Variants in ADAM23 observed in about 807,000 individuals in gnomAD.
ADAM23 encodes ADAM metallopeptidase domain 23, also known as disintegrin and metalloproteinase domain-containing protein 23.
A neutral mutation model predicts 120.1 loss-of-function variants in ADAM23; 33 were observed. That is an observed-to-expected ratio of 0.27 (90% CI 0.21 to 0.37). The LOEUF is 0.37. Ranked by LOEUF, ADAM23 falls within the 10% of genes least tolerant of loss-of-function variation. The pLI, the probability that ADAM23 is intolerant of heterozygous loss-of-function variation, is 1.00. For missense variants in ADAM23, 862 were observed against 1,058.2 expected (o/e 0.81, Z 2.57); for synonymous variants, 367 against 375.2 (o/e 0.98, Z 0.25).
intron 2 of ADAM23, among the ~76,000 whole-genome samples, chr2:206,456,574 T>C (rs911941066): frequency 6.6e-6 from 1 of 152,166 alleles, no homozygotes; most frequent in South Asian, 2.1e-4. Context: ...GAGCCAATCA[T>C]GTAAACCTTG....
At chr2:206,550,043 G>C in intron 8 of ADAM23, 52 bp from the exon 9 acceptor site, 1 of 1,184,870 alleles carries the variant, frequency 8.4e-7, no homozygotes, top group Non-Finnish European at 1.2e-6. Flanking sequence ...GTGAGCACTA[G>C]AGAGATTTTA....
At chr2:206,451,797 G>A (rs1695201031) in intron 2 of ADAM23, among the ~76,000 whole-genome samples, 1 of 152,164 alleles carries the variant, frequency 6.6e-6, no homozygotes, top group South Asian at 2.1e-4. Context: ...GAAGACACAA[G>A]GGGGTCTGGA....
At chr2:206,458,727 A>G (rs143055389) in intron 2 of ADAM23, among the ~76,000 whole-genome samples, 1 of 152,272 alleles carries the variant, frequency 6.6e-6, no homozygotes, top group Non-Finnish European at 1.5e-5. Flanking sequence ...ACACGTTCAG[A>G]TGATAATTTC....
chr2:206,468,450 A>G (rs1470320759), intron 2 of ADAM23, among the ~76,000 whole-genome samples: 1 of 152,198 alleles, frequency 6.6e-6, no homozygotes, highest in African/African-American at 2.4e-5. Context: ...TCCCCAAGGC[A>G]GGGGCACAGT....
At chr2:206,615,872 G>A (rs935360776) in intron 25 of ADAM23, among the ~76,000 whole-genome samples, 40 of 152,336 alleles carry the variant, frequency 2.6e-4, no homozygotes, top group Admixed American at 1.0e-3. Flanking sequence ...AAAGTGGACT[G>A]CATTGCTGTT....
At chr2:206,480,060 G>C (rs896861986) in intron 2 of ADAM23, among the ~76,000 whole-genome samples, 3 of 152,130 alleles carry the variant, frequency 2.0e-5, no homozygotes, top group Non-Finnish European at 4.4e-5. Context: ...CAAGACCCCT[G>C]TGATATATGT....
At chr2:206,486,706 C>T (rs1485350685) in intron 3 of ADAM23, among the ~76,000 whole-genome samples, 3 of 152,122 alleles carry the variant, frequency 2.0e-5, no homozygotes, top group Admixed American at 1.3e-4. Flanking sequence ...TCCTCCTCCT[C>T]CTTCTCTTCT....
intron 4 of ADAM23, among the ~76,000 whole-genome samples, chr2:206,540,837 C>G (rs1449164452): frequency 6.6e-6 from 1 of 151,582 alleles, no homozygotes; most frequent in Admixed American, 6.6e-5. Context: ...CGGGGACTTC[C>G]CTAGTCTGGT....
At chr2:206,518,154 A>G (rs1696771184) in intron 3 of ADAM23, among the ~76,000 whole-genome samples, 2 of 152,172 alleles carry the variant, frequency 1.3e-5, no homozygotes, top group Non-Finnish European at 2.9e-5. Context: ...TCTGTTCTGC[A>G]TTTTTCTACT....
intron 25 of ADAM23, among the ~76,000 whole-genome samples, chr2:206,613,145 C>T (rs974514831): frequency 3.9e-5 from 6 of 152,090 alleles, no homozygotes; most frequent in Non-Finnish European, 7.4e-5. Context: ...CCGCAACCTC[C>T]GCCTCCCAGG....
intron 2 of ADAM23, among the ~76,000 whole-genome samples, chr2:206,479,670 GTTTCTCTCTCTCTCTCTC>G (rs1278115675): frequency 6.6e-6 from 1 of 151,946 alleles, no homozygotes; most frequent in South Asian, 2.1e-4. Flanking sequence ...CTTGACAGAA[GTTTCTCTCTCTCTCTCTC>G]TTTCTCTCTC....
intron 17 of ADAM23, 33 bp downstream of exon 17, chr2:206,571,849 AT>A (rs1698007866): frequency 1.3e-6 from 2 of 1,575,410 alleles, no homozygotes; most frequent in South Asian, 2.2e-5. Context: ...CTTTCTTTTA[AT>A]TGACAGATTA....
At chr2:206,527,652 G>C (rs1013168784) in intron 3 of ADAM23, among the ~76,000 whole-genome samples, 1 of 152,216 alleles carries the variant, frequency 6.6e-6, no homozygotes, top group African/African-American at 2.4e-5. Context: ...TATAGCAGGT[G>C]TTGGTAGATG....
intron 24 of ADAM23, chr2:206,606,447 G>T (rs1698730269): frequency 6.6e-6 from 1 of 152,142 alleles, no homozygotes; most frequent in African/African-American, 2.4e-5. Context: ...TATAAAATAG[G>T]TTAATAATTC....
At chr2:206,530,640 A>T (rs1574516077) in intron 3 of ADAM23, among the ~76,000 whole-genome samples, 1 of 129,072 alleles carries the variant, frequency 7.7e-6, no homozygotes, top group Non-Finnish European at 1.7e-5. Flanking sequence ...AAAAAAAAAG[A>T]GTTCACCGTT....
intron 18 of ADAM23, among the ~76,000 whole-genome samples, chr2:206,582,949 A>G (rs930349222): frequency 2.0e-5 from 3 of 152,118 alleles, no homozygotes; most frequent in Non-Finnish European, 4.4e-5. Flanking sequence ...TTTCCTTTAT[A>G]GTTTACCTGG....
At chr2:206,525,630 C>T (rs538645536) in intron 3 of ADAM23, among the ~76,000 whole-genome samples, 7 of 152,238 alleles carry the variant, frequency 4.6e-5, no homozygotes, top group South Asian at 2.1e-4. Flanking sequence ...CTTGCTCTGT[C>T]GCTCAGGCTG....
At chr2:206,550,651 G>C (rs1214888838) in intron 9 of ADAM23, among the ~76,000 whole-genome samples, 1 of 150,200 alleles carries the variant, frequency 6.7e-6, no homozygotes, top group Non-Finnish European at 1.5e-5. Context: ...GCCCAGCCTG[G>C]AGTACAGTGG....
chr2:206,565,831 C>G (rs1013577552), intron 14 of ADAM23, among the ~76,000 whole-genome samples: 1 of 152,204 alleles, frequency 6.6e-6, no homozygotes, highest in Non-Finnish European at 1.5e-5. Context: ...CTACCTCCGT[C>G]CCTCTGGTTG....
Sources: gnomAD v4.1 joint callset for allele counts (sites outside exome capture counted in the v4.1 genomes callset) on GRCh38, gnomAD v4.1.1 for gene constraint, MANE v1.5 for transcripts, NCBI Gene and HGNC (gene_info 2026-07-23, HGNC 2026-07-21) for gene names.